Variants in RBFOX1 observed in about 807,000 individuals in gnomAD.
RBFOX1 encodes RNA binding fox-1 homolog 1.
Under a neutral mutation model 57.7 loss-of-function variants are expected in RBFOX1, and 8 were observed. That is an observed-to-expected ratio of 0.14 (90% CI 0.08 to 0.25). The LOEUF is 0.25. Ranked by LOEUF, RBFOX1 falls within the 10% of genes least tolerant of loss-of-function variation. RBFOX1 has a pLI of 1.00. For missense variants in RBFOX1, 611 were observed against 548.5 expected (o/e 1.11, Z -1.14); for synonymous variants, 326 against 222.4 (o/e 1.47, Z -4.15).
At chr16:6,319,997 T>C (rs981487835) in intron 2 of RBFOX1, among the ~76,000 whole-genome samples, 13 of 152,202 alleles carry the variant, frequency 8.5e-5, no homozygotes, top group African/African-American at 3.1e-4. Flanking sequence ...TATTTTTTTT[T>C]CACCAAGTCT....
At chr16:7,143,418 A>G (rs1216331368) in intron 4 of RBFOX1, among the ~76,000 whole-genome samples, 1 of 152,128 alleles carries the variant, frequency 6.6e-6, no homozygotes, top group African/African-American at 2.4e-5. Context: ...AGATTTCTTT[A>G]TTAGTCAATT....
At chr16:7,389,097 A>C (rs759512577) in intron 4 of RBFOX1, among the ~76,000 whole-genome samples, 26 of 152,070 alleles carry the variant, frequency 1.7e-4, no homozygotes, top group Admixed American at 1.1e-3. Flanking sequence ...AATAAATTAC[A>C]AGTTGGTCTA....
At chr16:5,710,549 G>A (rs1359097473) in intron 3 of RBFOX1, among the ~76,000 whole-genome samples, 1 of 152,180 alleles carries the variant, frequency 6.6e-6, no homozygotes, top group African/African-American at 2.4e-5. Flanking sequence ...TTCTCTCAAG[G>A]CAGCTTCCCA....
intron 3 of RBFOX1, among the ~76,000 whole-genome samples, chr16:6,696,834 T>G (rs74795346): frequency 0.016 from 2,381 of 152,330 alleles, 77 homozygotes; most frequent in African/African-American, 0.054. Context: ...ATTGATTTTC[T>G]TCAAGGTTGT....
intron 3 of RBFOX1, among the ~76,000 whole-genome samples, chr16:5,670,839 T>C (rs1321048452): frequency 1.3e-5 from 2 of 152,248 alleles, no homozygotes; most frequent in Non-Finnish European, 2.9e-5. Flanking sequence ...CTAGCATCTC[T>C]GTTCAATACA....
chr16:7,230,691 G>T (rs2093447689), intron 4 of RBFOX1, among the ~76,000 whole-genome samples: 1 of 152,162 alleles, frequency 6.6e-6, no homozygotes, highest in African/African-American at 2.4e-5. Flanking sequence ...GAAGGGGAGA[G>T]CCACTTGGAG....
intron 4 of RBFOX1, among the ~76,000 whole-genome samples, chr16:7,395,902 G>T (rs999851257): frequency 1.5e-4 from 23 of 152,318 alleles, no homozygotes; most frequent in African/African-American, 5.5e-4. Context: ...TAATAGAGAA[G>T]AGTAAGTGCC....
At chr16:7,263,180 C>T (rs996257658) in intron 4 of RBFOX1, among the ~76,000 whole-genome samples, 1 of 152,188 alleles carries the variant, frequency 6.6e-6, no homozygotes, top group South Asian at 2.1e-4. Context: ...CTGTTACATT[C>T]TAAGCCACTT....
chr16:6,769,035 T>C (rs951156660), intron 3 of RBFOX1, among the ~76,000 whole-genome samples: 2 of 152,092 alleles, frequency 1.3e-5, no homozygotes, highest in Non-Finnish European at 2.9e-5. Context: ...CCAATATTAC[T>C]TCTTTTTCTG....
At chr16:5,298,444 C>T in intron 1 of RBFOX1, among the ~76,000 whole-genome samples, 1 of 99,510 alleles carries the variant, frequency 1.0e-5, no homozygotes, top group East Asian at 3.7e-4. Flanking sequence ...TCCCTCCCCT[C>T]CCCTCCCCTC....
chr16:6,430,471 G>C (rs1481842304), intron 2 of RBFOX1, among the ~76,000 whole-genome samples: 2 of 152,190 alleles, frequency 1.3e-5, no homozygotes, highest in Admixed American at 6.5e-5. Flanking sequence ...AGAAGGAAAA[G>C]GGTGTTTTCT....
chr16:5,941,824 A>G (rs1270812337), intron 4 of RBFOX1, among the ~76,000 whole-genome samples: 1 of 152,048 alleles, frequency 6.6e-6, no homozygotes, highest in African/African-American at 2.4e-5. Context: ...CGTGCGAAAT[A>G]GACAAGAGAG....
Position 7,599,646 on chromosome 16 carries a change from TTTTTC to T in RBFOX1, c.622+2220_622+2224del, listed in dbSNP as rs1238715044. Among the ~76,000 whole-genome samples, 34 of 36,070 alleles carry T rather than the reference TTTTTC, an allele frequency of 9.4e-4. 6 individuals carry two copies. Among genetic ancestry groups the T allele is most frequent in the African/African-American group, 1.5e-3 (34 of 22,472 alleles). The allele number at this position is 36,070 out of a possible 152,430, so 23.7% of individuals were successfully genotyped here. ...GAAGAAATTAATAAAGACTTTTTTT[TTTTTC>T]TTTTTTTTTTTTGAGACAGGGTCTC... is the stretch of plus-strand genomic sequence containing the variant. On this transcript the variant is annotated intron_variant, in intron 9 of 15. Transcript: ENST00000550418.
intron 3 of RBFOX1, among the ~76,000 whole-genome samples, chr16:6,733,864 G>C (rs1025259756): frequency 6.6e-6 from 1 of 152,334 alleles, no homozygotes; most frequent in East Asian, 1.9e-4. Flanking sequence ...CGTTCACCCA[G>C]AACGCAGGGC....
At chr16:6,979,363 C>A (rs572361645) in intron 3 of RBFOX1, among the ~76,000 whole-genome samples, 2 of 137,562 alleles carry the variant, frequency 1.5e-5, no homozygotes, top group South Asian at 5.0e-4. Context: ...ATTATGAAAA[C>A]ATTAGTTGAA....
At position 5,940,969 on chromosome 16, in the gene RBFOX1, C is replaced by T. The variant is rs138638672; in HGVS notation, c.351+73634C>T. ...TCAATTCTGCCCCTTAATTGAATGACCTTCTGAGTCTGTTTCCTCATCTTT... is the reference window on the plus strand; with the variant it reads ...TCAATTCTGCCCCTTAATTGAATGATCTTCTGAGTCTGTTTCCTCATCTTT... On this transcript the variant is annotated intron_variant, in intron 4 of 19. Coordinates refer to the RBFOX1 transcript ENST00000641259. Among the ~76,000 whole-genome samples, 717 of 152,244 alleles carry T rather than the reference C, an allele frequency of 4.7e-3. 10 individuals carry two copies. The highest frequency in any genetic ancestry group is 0.016 in the African/African-American group (677 of 41,556).
At chr16:7,086,951 C>A (rs559086193) in intron 4 of RBFOX1, among the ~76,000 whole-genome samples, 1 of 152,264 alleles carries the variant, frequency 6.6e-6, no homozygotes, top group East Asian at 1.9e-4. Context: ...CCGGTCCACA[C>A]CCTGGCTGAG....
chr16:6,167,040 T>A (rs964673480), intron 1 of RBFOX1, among the ~76,000 whole-genome samples: 1 of 152,158 alleles, frequency 6.6e-6, no homozygotes, highest in Non-Finnish European at 1.5e-5. Context: ...CCCAAAGTAC[T>A]GGGATTACAG....
At chr16:5,908,469 C>T (rs2058532084) in intron 4 of RBFOX1, among the ~76,000 whole-genome samples, 2 of 151,826 alleles carry the variant, frequency 1.3e-5, no homozygotes, top group Admixed American at 1.3e-4. Flanking sequence ...TCTTCTGCCT[C>T]AGCTTCCCAA....
Sources: allele counts gnomAD v4.1 joint callset (sites outside exome capture counted in the v4.1 genomes callset), GRCh38; gene constraint gnomAD v4.1.1; transcripts MANE v1.5; gene names NCBI Gene and HGNC (gene_info 2026-07-23, HGNC 2026-07-21).